GPC5: variants seen among roughly 807,000 people sequenced by gnomAD.
GPC5 encodes the protein glypican 5.
Under a neutral mutation model 53.9 loss-of-function variants are expected in GPC5, and 47 were observed. The observed-to-expected ratio is 0.87, with a 90% CI of 0.69 to 1.11. The LOEUF is 1.11. Among genes scored for constraint, GPC5 ranks in the 50% most tolerant of loss-of-function variants. GPC5 has a pLI of 0.00. For missense variants in GPC5, 748 were observed against 713.1 expected (o/e 1.05, Z -0.56); for synonymous variants, 286 against 263.3 (o/e 1.09, Z -0.84).
intron 5 of GPC5, among the ~76,000 whole-genome samples, chr13:91,797,778 C>T (rs759164010): frequency 5.9e-5 from 9 of 152,120 alleles, no homozygotes; most frequent in Non-Finnish European, 1.0e-4. Flanking sequence ...GAGCAGGCGT[C>T]GTGCTGACAG....
chr13:91,562,404 T>C (rs2031316894), intron 2 of GPC5, among the ~76,000 whole-genome samples: 2 of 152,012 alleles, frequency 1.3e-5, no homozygotes, highest in Admixed American at 1.3e-4. Flanking sequence ...AAAGAAATCA[T>C]ACACTGAATG....
At chr13:91,405,777 T>A (rs931745266) in intron 1 of GPC5, among the ~76,000 whole-genome samples, 22 of 152,132 alleles carry the variant, frequency 1.4e-4, no homozygotes, top group Admixed American at 1.2e-3. Flanking sequence ...CCTATTGAAA[T>A]TTTTTGTTGT....
chr13:92,151,497 A>C (rs938254853), intron 7 of GPC5, among the ~76,000 whole-genome samples: 1 of 152,142 alleles, frequency 6.6e-6, no homozygotes, highest in Non-Finnish European at 1.5e-5. Flanking sequence ...AGAAGGCATC[A>C]TATGATTAAG....
intron 7 of GPC5, among the ~76,000 whole-genome samples, chr13:92,344,354 C>T (rs187834487): frequency 1.3e-5 from 2 of 152,192 alleles, no homozygotes; most frequent in Non-Finnish European, 2.9e-5. Context: ...TCAAGTCCCT[C>T]CCACGACATG....
chr13:92,356,593 A>G (rs1014141572), intron 7 of GPC5, among the ~76,000 whole-genome samples: 2 of 152,200 alleles, frequency 1.3e-5, no homozygotes, highest in Non-Finnish European at 2.9e-5. Context: ...GATTGGATAT[A>G]GGTGTGAGTG....
At chr13:92,536,421 A>G (rs1331042289) in intron 7 of GPC5, among the ~76,000 whole-genome samples, 5 of 152,194 alleles carry the variant, frequency 3.3e-5, no homozygotes, top group Non-Finnish European at 7.3e-5. Context: ...TTAAATTAGC[A>G]TACTTTTTGT....
intron 7 of GPC5, among the ~76,000 whole-genome samples, chr13:92,442,015 A>T (rs1877592775): frequency 6.6e-6 from 1 of 151,842 alleles, no homozygotes; most frequent in South Asian, 2.1e-4. Flanking sequence ...TTAAGAGGCA[A>T]AAAACCCAAT....
intron 5 of GPC5, among the ~76,000 whole-genome samples, chr13:91,860,730 G>C (rs1416579829): frequency 6.6e-6 from 1 of 151,968 alleles, no homozygotes; most frequent in Non-Finnish European, 1.5e-5. Context: ...TTGAACTCCT[G>C]ACCTCCAGTG....
chr13:91,870,947 A>G (rs1472372161), intron 5 of GPC5, among the ~76,000 whole-genome samples: 1 of 152,238 alleles, frequency 6.6e-6, no homozygotes, highest in Non-Finnish European at 1.5e-5. Context: ...ATATTTGCAC[A>G]TAGGTAATGA....
chr13:91,772,407 T>C (rs569988241), intron 5 of GPC5, among the ~76,000 whole-genome samples: 1 of 152,314 alleles, frequency 6.6e-6, no homozygotes, highest in South Asian at 2.1e-4. Context: ...TCTGAAATTC[T>C]TTATATAAAT....
intron 4 of GPC5, among the ~76,000 whole-genome samples, chr13:91,741,768 G>A (rs974822477): frequency 5.3e-5 from 8 of 152,098 alleles, no homozygotes; most frequent in African/African-American, 1.7e-4. Context: ...TCAGTATTGA[G>A]ATATACTGGA....
intron 6 of GPC5, among the ~76,000 whole-genome samples, chr13:92,066,883 T>C (rs528623037): frequency 2.6e-5 from 4 of 152,176 alleles, no homozygotes; most frequent in Admixed American, 2.0e-4. Context: ...TAATTCCAGA[T>C]AGCTTTAAGC....
intron 7 of GPC5, among the ~76,000 whole-genome samples, chr13:92,669,128 C>T (rs61975938): frequency 0.16 from 24,800 of 152,032 alleles, 2,531 homozygotes; most frequent in Middle Eastern, 0.24. Flanking sequence ...ACTTTAATCA[C>T]ACCAAAGACT....
At chr13:91,717,089 C>G (rs927551193) in intron 3 of GPC5, among the ~76,000 whole-genome samples, 1 of 151,950 alleles carries the variant, frequency 6.6e-6, no homozygotes, top group African/African-American at 2.4e-5. Context: ...GTTGAGAGAT[C>G]GAGAGCAATT....
intron 7 of GPC5, among the ~76,000 whole-genome samples, chr13:92,610,968 A>ATT (rs35225757): frequency 0.046 from 6,467 of 140,078 alleles, 172 homozygotes; most frequent in Non-Finnish European, 0.051. Flanking sequence ...CTCAATACAT[A>ATT]TTTTTTTTTT....
intron 7 of GPC5, among the ~76,000 whole-genome samples, chr13:92,585,267 G>T (rs9561089): frequency 2.0e-5 from 3 of 152,046 alleles, no homozygotes; most frequent in East Asian, 2.0e-4. Flanking sequence ...AAGCCACAGG[G>T]GTGGAGGTGC....
chr13:91,906,892 T>C (rs1370373354), intron 5 of GPC5, among the ~76,000 whole-genome samples: 1 of 151,734 alleles, frequency 6.6e-6, no homozygotes, highest in Non-Finnish European at 1.5e-5. Context: ...ACTTAGAAAA[T>C]ATTTTGCAGA....
intron 2 of GPC5, among the ~76,000 whole-genome samples, chr13:91,483,970 C>A (rs1883449245): frequency 6.6e-6 from 1 of 152,146 alleles, no homozygotes; most frequent in African/African-American, 2.4e-5. Context: ...TTCAATTTAT[C>A]ATTAATATTA....
chr13:91,685,707 A>G (rs932053532), intron 2 of GPC5, among the ~76,000 whole-genome samples: 3 of 152,204 alleles, frequency 2.0e-5, no homozygotes, highest in Non-Finnish European at 4.4e-5. Context: ...TGCTCAAAAT[A>G]TATTGGTTGA....
Sources: allele counts gnomAD v4.1 joint callset (sites outside exome capture counted in the v4.1 genomes callset), GRCh38; gene constraint gnomAD v4.1.1; transcripts MANE v1.5; gene names NCBI Gene and HGNC (gene_info 2026-07-23, HGNC 2026-07-21).